Variants in NPY2R observed in about 807,000 individuals in gnomAD.
NPY2R encodes the protein neuropeptide Y receptor Y2.
In NPY2R, 17 loss-of-function variants were observed where a neutral mutation model predicts 22.3. That is an observed-to-expected ratio of 0.76 (90% CI 0.52 to 1.14). The LOEUF (loss-of-function observed/expected upper bound fraction) is 1.14, where lower values mean the gene tolerates loss of function less well. NPY2R is among the 50% of genes most tolerant of loss of function. The pLI, the probability that NPY2R is intolerant of heterozygous loss-of-function variation, is 0.00. For missense variants in NPY2R, 424 were observed against 467.9 expected (o/e 0.91, Z 0.87); for synonymous variants, 209 against 183.4 (o/e 1.14, Z -1.13).
At chr4:155,210,852 G>A (rs1047859777) in intron 1 of NPY2R, among the ~76,000 whole-genome samples, 3 of 152,192 alleles carry the variant, frequency 2.0e-5, no homozygotes, top group Non-Finnish European at 4.4e-5. Flanking sequence ...AAAAAAGTGA[G>A]ATAAATGGAG....
chr4:155,206,778 C>G (rs1353447924), upstream of NPY2R: 4 of 152,172 alleles, frequency 2.6e-5, no homozygotes, highest in African/African-American at 9.7e-5. Flanking sequence ...AGCAATTGCT[C>G]TAAAAGACAA....
At chr4:155,185,822 T>C in the NPY2R span, among the ~76,000 whole-genome samples, 64,058 of 151,868 alleles carry the variant, frequency 0.42, 13,939 homozygotes, top group East Asian at 0.7. Flanking sequence ...TGTATTATAG[T>C]TTTTTAAGAA....
Position 155,214,054 on chromosome 4 carries a change from G to T in NPY2R, c.115G>T (p.Glu39Ter). 1 of 1,613,944 alleles carries T rather than the reference G, an allele frequency of 6.2e-7. No individual in the cohort carries two copies. Among genetic ancestry groups the T allele is most frequent in the Non-Finnish European group, 8.5e-7 (1 of 1,179,854 alleles). Residue 39 changes from glutamate to a stop codon, truncating the protein, a stop_gained, in exon 2 of 2, where the codon GAG becomes TAG. Coordinates refer to ENST00000329476, the MANE Select transcript of NPY2R (RefSeq NM_000910.4). LOFTEE classifies it high-confidence loss of function. ...TGAACTGGTCCCTGACCCTGAGCCA[G>T]AGCTTATAGATAGTACCAAGCTGAT... Reference protein sequence around the residue: ...RGELVPDPEPELIDSTKLIEV... With the variant: ...RGELVPDPEP
the NPY2R span, among the ~76,000 whole-genome samples, chr4:155,179,203 C>T: frequency 0.046 from 6,965 of 152,000 alleles, 510 homozygotes; most frequent in African/African-American, 0.16. Flanking sequence ...TCTTAATGTT[C>T]TTGTGTGCTA....
At chr4:155,190,098 T>C in the NPY2R span, among the ~76,000 whole-genome samples, 1 of 152,038 alleles carries the variant, frequency 6.6e-6, no homozygotes, top group South Asian at 2.1e-4. Context: ...AGATAGACAC[T>C]TAAATGTTTT....
At chr4:155,173,833 C>T in the NPY2R span, 74 of 152,054 alleles carry the variant, frequency 4.9e-4, no homozygotes, top group Middle Eastern at 3.4e-3. Flanking sequence ...TAAGCAGTAT[C>T]TTTTAGTTTT....
the NPY2R span, among the ~76,000 whole-genome samples, chr4:155,188,743 T>C: frequency 6.6e-6 from 1 of 152,122 alleles, no homozygotes; most frequent in Non-Finnish European, 1.5e-5. Context: ...AACTGAATCC[T>C]GCTAGCAGCC....
chr4:155,215,623 A>G lies in NPY2R; in HGVS notation c.*538A>G, dbSNP rs1270568128. On this transcript the variant is annotated 3_prime_UTR_variant, in exon 2 of 2. Coordinates refer to ENST00000329476, the MANE Select transcript of NPY2R (RefSeq NM_000910.4). ...GGAATGCTGCAGGAAACGATTGCCA[A>G]CTATACGAATGGCTTCGAGGAGATA... is the stretch of plus-strand genomic sequence containing the variant. The G allele has an allele frequency of 5.3e-6, 1 of 187,800 alleles. No individual in the cohort carries two copies. The highest frequency in any genetic ancestry group is 2.4e-5 in the African/African-American group (1 of 41,730). The allele number at this position is 187,800 out of a possible 1,614,324, so 11.6% of individuals were successfully genotyped here. A position where few individuals can be genotyped will look rare whatever the true frequency, so the allele number is the denominator to read the frequency against.
chr4:155,207,006 C>T (rs896547229), upstream of NPY2R: 1 of 152,166 alleles, frequency 6.6e-6, no homozygotes, highest in African/African-American at 2.4e-5. Flanking sequence ...AAAACAACTA[C>T]TAAAAGACTT....
upstream of NPY2R, among the ~76,000 whole-genome samples, chr4:155,206,115 T>C (rs10212868): frequency 0.5 from 75,405 of 151,952 alleles, 20,245 homozygotes; most frequent in African/African-American, 0.72. Flanking sequence ...TCCTACAACC[T>C]AGCATGCTGG....
At chr4:155,185,226 G>T in the NPY2R span, among the ~76,000 whole-genome samples, 1 of 151,858 alleles carries the variant, frequency 6.6e-6, no homozygotes, top group Non-Finnish European at 1.5e-5. Flanking sequence ...TTTTAGTAGA[G>T]ACGGGGTTTC....
chr4:155,214,345 G>T lies in NPY2R; in HGVS notation c.406G>T (p.Val136Leu). 1 of 1,614,146 alleles carries T rather than the reference G, an allele frequency of 6.2e-7. No individual in the cohort carries two copies. Among genetic ancestry groups the T allele is most frequent in the Non-Finnish European group, 8.5e-7 (1 of 1,180,034 alleles). Residue 136 changes from valine (V) to leucine (L), a missense_variant, in exon 2 of 2, where the codon GTA (valine) becomes TTA (leucine). Val to Leu is a conservative substitution (Grantham distance 32). Coordinates refer to ENST00000329476, the MANE Select transcript of NPY2R (RefSeq NM_000910.4). Reference protein sequence around the residue: ...VPYAQGLAVQVSTITLTVIAL... With the variant: ...VPYAQGLAVQLSTITLTVIAL... ...CTATGCCCAGGGCCTGGCAGTACAA[G>T]TATCCACAATCACCTTGACAGTAAT... is the stretch of plus-strand genomic sequence containing the variant.
rs560218761 is a variant in NPY2R at position 155,214,218 on chromosome 4, T to G, written c.279T>G (p.Ala93=). ...CCAACTTTTTCATTGCCAATCTGGC[T>G]GTGGCAGATCTTTTGGTGAACACTC... ...TVTNFFIANL[A]VADLLVNTLC... is the part of the protein sequence containing the mutation. The change falls in exon 2 of 2, where the codon GCT becomes GCG. Residue 93 remains alanine (A), a synonymous_variant. Coordinates refer to ENST00000329476, the MANE Select transcript of NPY2R (RefSeq NM_000910.4). 1.2e-6 allele frequency: 2 copies of G among 1,614,088 alleles called. No individual in the cohort carries two copies. Among genetic ancestry groups the G allele is most frequent in the Non-Finnish European group, 8.5e-7 (1 of 1,180,026 alleles).
chr4:155,181,876 G>A, the NPY2R span, among the ~76,000 whole-genome samples: 4 of 152,124 alleles, frequency 2.6e-5, no homozygotes, highest in African/African-American at 9.7e-5. Context: ...AACACTCATG[G>A]TAGTGGGTCT....
the NPY2R span, among the ~76,000 whole-genome samples, chr4:155,183,092 C>T: frequency 6.4e-4 from 97 of 152,176 alleles, no homozygotes; most frequent in Middle Eastern, 3.4e-3. Flanking sequence ...CATGCCCAGC[C>T]GAGCTGTTCT....
the NPY2R span, among the ~76,000 whole-genome samples, chr4:155,191,201 G>A: frequency 1.3e-5 from 2 of 151,802 alleles, no homozygotes; most frequent in African/African-American, 4.8e-5. Context: ...AATTTTGAAA[G>A]AAAAGAAAAA....
rs1008098161 is a variant in NPY2R at position 155,216,732 on chromosome 4, A to G, written c.*1647A>G. 1 of 167,074 alleles carries G rather than the reference A, an allele frequency of 6.0e-6. No individual in the cohort carries two copies. Among genetic ancestry groups the G allele is most frequent in the African/African-American group, 2.4e-5 (1 of 41,460 alleles). 10.3% of individuals were successfully genotyped at this position (167,074 alleles called of 1,614,324 possible). A position where few individuals can be genotyped will look rare whatever the true frequency, so the allele number is the denominator to read the frequency against. ...TTAGATTAGGTGTAAGACTTTAAGAAGCGAACAAAAAGTAATGTATATCTG... is the reference window on the plus strand; with the variant it reads ...TTAGATTAGGTGTAAGACTTTAAGAGGCGAACAAAAAGTAATGTATATCTG... On this transcript the variant is annotated 3_prime_UTR_variant, in exon 2 of 2. Coordinates refer to ENST00000329476, the MANE Select transcript of NPY2R (RefSeq NM_000910.4).
At chr4:155,213,026 A>G (rs925361671) in intron 1 of NPY2R, among the ~76,000 whole-genome samples, 9 of 152,188 alleles carry the variant, frequency 5.9e-5, no homozygotes. Context: ...TGAAGTAACT[A>G]GGATGGAAAA....
chr4:155,214,561 C>G lies in NPY2R; in HGVS notation c.622C>G (p.Pro208Ala). The G allele has an allele frequency of 6.2e-7, 1 of 1,614,150 alleles. No individual in the cohort carries two copies. The highest frequency in any genetic ancestry group is 8.5e-7 in the Non-Finnish European group (1 of 1,180,030). Residue 208 changes from proline (P) to alanine (A), a missense_variant, in exon 2 of 2, where the codon CCT becomes GCT. By Grantham distance (27) the Pro-to-Ala change is conservative (BLOSUM62 -1). Transcript: ENST00000329476. ...GATTGTGGCCTGTACTGAAAAGTGG[C>G]CTGGCGAGGAGAAGAGCATCTATGG... ...FEIVACTEKW[P>A]GEEKSIYGTV...
Sources: gnomAD v4.1 joint callset for allele counts (sites outside exome capture counted in the v4.1 genomes callset) on GRCh38, gnomAD v4.1.1 for gene constraint, MANE v1.5 for transcripts, NCBI Gene and HGNC (gene_info 2026-07-23, HGNC 2026-07-21) for gene names.